The following ATOSA variants were observed in gnomAD, a reference collection of about 807,000 sequenced individuals.
ATOSA encodes the protein atos homolog A, also known as atos homolog protein A.
the ATOSA span, among the ~76,000 whole-genome samples, chr15:52,667,365 G>C: frequency 6.6e-6 from 1 of 152,130 alleles, no homozygotes; most frequent in East Asian, 1.9e-4. Context: ...TCTGTAAAAG[G>C]AAGCAATGTA....
the ATOSA span, among the ~76,000 whole-genome samples, chr15:52,594,988 T>C: frequency 1.3e-5 from 2 of 152,188 alleles, no homozygotes; most frequent in African/African-American, 4.8e-5. Flanking sequence ...ATATACAGAG[T>C]CCCATGCTCT....
At chr15:52,697,021 G>A in the ATOSA span, among the ~76,000 whole-genome samples, 1 of 152,086 alleles carries the variant, frequency 6.6e-6, no homozygotes, top group Non-Finnish European at 1.5e-5. Context: ...ATCCTGAGGT[G>A]TCTGGCTAGC....
the ATOSA span, among the ~76,000 whole-genome samples, chr15:52,624,498 G>C: frequency 6.6e-6 from 1 of 152,198 alleles, no homozygotes; most frequent in Non-Finnish European, 1.5e-5. Context: ...TCCATGGACA[G>C]ACTGTACTGT....
At chr15:52,613,404 A>G in the ATOSA span, among the ~76,000 whole-genome samples, 1 of 152,130 alleles carries the variant, frequency 6.6e-6, no homozygotes, top group Non-Finnish European at 1.5e-5. Context: ...AACAGCAGAG[A>G]TAGTCTTAAA....
chr15:52,601,191 T>C, the ATOSA span: 2 of 1,437,736 alleles, frequency 1.4e-6, no homozygotes, highest in Non-Finnish European at 1.9e-6. Flanking sequence ...TCATTTGTGA[T>C]ATTAAAAAAA....
the ATOSA span, among the ~76,000 whole-genome samples, chr15:52,708,803 T>G: frequency 6.6e-6 from 1 of 152,202 alleles, no homozygotes; most frequent in Non-Finnish European, 1.5e-5. Flanking sequence ...ACTAACATAT[T>G]GTGGAGGCTA....
At chr15:52,591,202 C>T in the ATOSA span, among the ~76,000 whole-genome samples, 1 of 152,176 alleles carries the variant, frequency 6.6e-6, no homozygotes, top group East Asian at 1.9e-4. Flanking sequence ...CCAACAGGGA[C>T]TCTGTTCACT....
chr15:52,658,653 G>C, the ATOSA span: 2 of 397,320 alleles, frequency 5.0e-6, no homozygotes, highest in Middle Eastern at 6.3e-4. Context: ...CAAAATATAG[G>C]AGACCACCAC....
At chr15:52,709,215 G>C in the ATOSA span, among the ~76,000 whole-genome samples, 1 of 152,136 alleles carries the variant, frequency 6.6e-6, no homozygotes, top group Non-Finnish European at 1.5e-5. Flanking sequence ...ACCCACGATT[G>C]ATCATTTTGA....
the ATOSA span, chr15:52,585,115 T>C: frequency 1.9e-6 from 1 of 533,228 alleles, no homozygotes; most frequent in Non-Finnish European, 3.1e-6. Flanking sequence ...AGAAATAATA[T>C]TATTTTTTAA....
the ATOSA span, among the ~76,000 whole-genome samples, chr15:52,582,676 G>C: frequency 2.6e-4 from 40 of 152,188 alleles, 1 homozygote; most frequent in South Asian, 7.5e-3. Flanking sequence ...ATTACATTTG[G>C]GCTCTGTAGC....
chr15:52,597,454 A>T, the ATOSA span, among the ~76,000 whole-genome samples: 2 of 152,238 alleles, frequency 1.3e-5, no homozygotes, highest in African/African-American at 4.8e-5. Flanking sequence ...TGAACTCTTG[A>T]TATGCAGGAC....
chr15:52,643,307 A>T, the ATOSA span, among the ~76,000 whole-genome samples: 1 of 152,148 alleles, frequency 6.6e-6, no homozygotes, highest in African/African-American at 2.4e-5. Flanking sequence ...TTTTAAAAAA[A>T]CTGACCCAGC....
chr15:52,693,087 A>G, the ATOSA span, among the ~76,000 whole-genome samples: 2 of 152,346 alleles, frequency 1.3e-5, no homozygotes, highest in East Asian at 3.9e-4. Flanking sequence ...TCAATATGCT[A>G]AAACAGGAAA....
chr15:52,665,292 T>G, the ATOSA span, among the ~76,000 whole-genome samples: 3 of 152,202 alleles, frequency 2.0e-5, no homozygotes, highest in Admixed American at 1.3e-4. Flanking sequence ...GAGGGGAGAC[T>G]GAAGATTTTA....
chr15:52,662,991 C>T, the ATOSA span, among the ~76,000 whole-genome samples: 3 of 152,080 alleles, frequency 2.0e-5, no homozygotes, highest in Non-Finnish European at 2.9e-5. Context: ...GAGCTAAAAA[C>T]TGATTTTAAG....
At chr15:52,707,494 G>T in the ATOSA span, among the ~76,000 whole-genome samples, 2 of 152,136 alleles carry the variant, frequency 1.3e-5, no homozygotes, top group Admixed American at 1.3e-4. Context: ...AAATGTCATT[G>T]CCATAAAAGA....
the ATOSA span, among the ~76,000 whole-genome samples, chr15:52,635,259 A>G: frequency 6.6e-6 from 1 of 152,222 alleles, no homozygotes; most frequent in African/African-American, 2.4e-5. Context: ...ACAAAGGATC[A>G]CTAAAAATAT....
the ATOSA span, among the ~76,000 whole-genome samples, chr15:52,606,290 A>G: frequency 6.6e-6 from 1 of 152,158 alleles, no homozygotes; most frequent in African/African-American, 2.4e-5. Context: ...TTTTGACGTG[A>G]TACAAGAAAC....
Sources: gnomAD v4.1 joint callset for allele counts (sites outside exome capture counted in the v4.1 genomes callset) on GRCh38, gnomAD v4.1.1 for gene constraint, MANE v1.5 for transcripts, NCBI Gene and HGNC (gene_info 2026-07-23, HGNC 2026-07-21) for gene names.